Variants in CSMD2 observed in about 807,000 individuals in gnomAD.
The protein encoded by CSMD2 is CUB and sushi domain-containing protein 2.
In CSMD2, 130 loss-of-function variants were observed where a neutral mutation model predicts 398.5. That is an observed-to-expected ratio of 0.33 (90% confidence interval 0.28 to 0.38). The LOEUF (loss-of-function observed/expected upper bound fraction) is 0.38, where lower values mean the gene tolerates loss of function less well. CSMD2 is among the 10% of genes least tolerant of loss of function. The probability of loss-of-function intolerance (pLI) is 1.00; values close to 1 mark genes in which losing one functional copy is unlikely to be tolerated. For missense variants in CSMD2, 3,829 were observed against 4,764.9 expected (o/e 0.80, Z 5.78); for synonymous variants, 1,828 against 1,908.5 (o/e 0.96, Z 1.10).
intron 32 of CSMD2, among the ~76,000 whole-genome samples, chr1:33,632,583 C>T (rs1002706321): frequency 6.6e-6 from 1 of 151,910 alleles, no homozygotes; most frequent in Non-Finnish European, 1.5e-5. Flanking sequence ...AAACTGATGA[C>T]GCTTTTGTTT....
intron 6 of CSMD2, among the ~76,000 whole-genome samples, chr1:33,842,713 GA>G (rs2125068471): frequency 6.6e-6 from 1 of 152,302 alleles, no homozygotes; most frequent in South Asian, 2.1e-4. Context: ...TCTGGACACT[GA>G]AATGTGAATT....
At chr1:33,532,644 CAATA>C (rs1471580910) in intron 64 of CSMD2, among the ~76,000 whole-genome samples, 2 of 152,190 alleles carry the variant, frequency 1.3e-5, no homozygotes, top group Non-Finnish European at 2.9e-5. Context: ...CATGAACTCT[CAATA>C]AATAGAGAAC....
chr1:33,916,266 A>C lies in CSMD2; in HGVS notation c.920+1828T>G, dbSNP rs577566478. On this transcript the variant is annotated intron_variant, in intron 5 of 70. Coordinates refer to ENST00000373381, the MANE Select transcript of CSMD2 (RefSeq NM_001281956.2). ...GCCAGCTAGCTTAATCTAGGCCAAGAAAAAAGGTCAAAGGGGAGTACATCA... is the reference window on the plus strand; with the variant it reads ...GCCAGCTAGCTTAATCTAGGCCAAGCAAAAAGGTCAAAGGGGAGTACATCA... Among the ~76,000 whole-genome samples, 4 of 152,360 alleles carry C rather than the reference A, an allele frequency of 2.6e-5. No homozygotes were observed. The East Asian group carries it at 7.7e-4, about 29-fold the overall frequency.
chr1:34,081,444 C>T (rs542348720), intron 2 of CSMD2, among the ~76,000 whole-genome samples: 1 of 151,804 alleles, frequency 6.6e-6, no homozygotes, highest in East Asian at 1.9e-4. Flanking sequence ...TCTTCGTCTC[C>T]CGCTTTCCAT....
At chr1:33,776,236 C>T (rs1489634206) in intron 12 of CSMD2, among the ~76,000 whole-genome samples, 1 of 152,054 alleles carries the variant, frequency 6.6e-6, no homozygotes, top group African/African-American at 2.4e-5. Context: ...GAAAGGGGCC[C>T]CCTACAGGGG....
chr1:33,611,776 A>T (rs550252322), intron 40 of CSMD2, among the ~76,000 whole-genome samples: 5 of 152,332 alleles, frequency 3.3e-5, no homozygotes, highest in Non-Finnish European at 5.9e-5. Context: ...TAGTGAGTTA[A>T]TCAAGACATT....
chr1:33,734,339 T>C (rs1227767587), intron 15 of CSMD2, among the ~76,000 whole-genome samples: 1 of 152,144 alleles, frequency 6.6e-6, no homozygotes, highest in African/African-American at 2.4e-5. Context: ...TCATTTGAAA[T>C]TTTTACAACC....
intron 55 of CSMD2, among the ~76,000 whole-genome samples, chr1:33,553,294 G>A (rs1359857371): frequency 1.3e-5 from 2 of 152,110 alleles, no homozygotes; most frequent in Non-Finnish European, 2.9e-5. Context: ...TATTTCAAAC[G>A]TTTTCATTAT....
At chr1:33,759,475 G>A (rs896467267) in intron 13 of CSMD2, among the ~76,000 whole-genome samples, 4 of 151,612 alleles carry the variant, frequency 2.6e-5, no homozygotes, top group East Asian at 1.9e-4. Context: ...ACAGGCGCCC[G>A]CCACCATGCC....
chr1:33,774,473 C>G (rs1391591970), intron 12 of CSMD2, among the ~76,000 whole-genome samples: 1 of 152,144 alleles, frequency 6.6e-6, no homozygotes, highest in African/African-American at 2.4e-5. Flanking sequence ...CGTGGAGAAG[C>G]AAGCAGCAGG....
At chr1:33,544,363 C>T (rs549603761) in intron 57 of CSMD2, among the ~76,000 whole-genome samples, 13 of 151,850 alleles carry the variant, frequency 8.6e-5, no homozygotes, top group African/African-American at 2.7e-4. Context: ...GTGATCCACC[C>T]GCCTCGGCCT....
intron 1 of CSMD2, among the ~76,000 whole-genome samples, chr1:34,113,798 T>C (rs1240567926): frequency 2.0e-5 from 3 of 152,206 alleles, no homozygotes; most frequent in African/African-American, 4.8e-5. Flanking sequence ...AGCCACCATA[T>C]TGAAATGCAT....
At chr1:34,061,227 G>A (rs1017887671) in intron 2 of CSMD2, among the ~76,000 whole-genome samples, 1 of 152,196 alleles carries the variant, frequency 6.6e-6, no homozygotes, top group African/African-American at 2.4e-5. Context: ...CCATAGTCCT[G>A]AATATCGAGG....
intron 5 of CSMD2, chr1:33,878,302 G>C (rs1255573851): frequency 6.6e-6 from 1 of 152,274 alleles, no homozygotes; most frequent in Non-Finnish European, 1.5e-5. Context: ...ATGTACATGA[G>C]ATGTGAGCAA....
chr1:33,799,265 C>T (rs558696776), intron 10 of CSMD2, among the ~76,000 whole-genome samples: 10 of 152,162 alleles, frequency 6.6e-5, no homozygotes, highest in Non-Finnish European at 1.3e-4. Flanking sequence ...ACTTTAAAGC[C>T]TAAAATATTT....
chr1:34,023,616 AG>A (rs1649228127), intron 3 of CSMD2, among the ~76,000 whole-genome samples: 1 of 152,204 alleles, frequency 6.6e-6, no homozygotes, highest in African/African-American at 2.4e-5. Context: ...AGGTTTTGTC[AG>A]GGGAAAGAAT....
chr1:33,846,910 T>A lies in CSMD2; in HGVS notation c.1007A>T (p.Gln336Leu), dbSNP rs752285830. The A allele has an allele frequency of 1.9e-6, 3 of 1,608,958 alleles. No individual in the cohort carries two copies. The highest frequency in any genetic ancestry group is 2.5e-6 in the Non-Finnish European group (3 of 1,177,230). ...LHFTSDGNHR[Q>L]RGFSAQYQVK... ...TTGGTATTGGGCACTGAATCCGCGCTGCCGGTGGTTGCCATCCGATGTGAA... is the reference window on the plus strand; with the variant it reads ...TTGGTATTGGGCACTGAATCCGCGCAGCCGGTGGTTGCCATCCGATGTGAA... Residue 336 changes from glutamine to leucine, a missense_variant, in exon 6 of 71, where the codon CAG (glutamine) becomes CTG (leucine). Gln to Leu is a moderately radical substitution (Grantham distance 113, BLOSUM62 -2). Around this residue, in one of 5 missense-constraint regions of CSMD2, gnomAD observed 2,001 missense variants for 2,567.1 expected, o/e 0.78. Transcript: ENST00000373381.
chr1:34,123,407 A>C (rs887025624), intron 1 of CSMD2, among the ~76,000 whole-genome samples: 10 of 152,186 alleles, frequency 6.6e-5, no homozygotes, highest in African/African-American at 2.2e-4. Context: ...CTTGCCCTAC[A>C]CACCTCTTCA....
chr1:34,128,034 T>G (rs2148488772), intron 1 of CSMD2, among the ~76,000 whole-genome samples: 1 of 152,282 alleles, frequency 6.6e-6, no homozygotes, highest in African/African-American at 2.4e-5. Context: ...TCTTGATTTC[T>G]TCCTTGTGGG....
Sources: gnomAD v4.1 joint callset for allele counts (sites outside exome capture counted in the v4.1 genomes callset) on GRCh38, gnomAD v4.1.1 for gene constraint, gnomAD v4.1.1 regional missense constraint, MANE v1.5 for transcripts, NCBI Gene and HGNC (gene_info 2026-07-23, HGNC 2026-07-21) for gene names.